The following HIPK2 variants were observed in gnomAD, a reference collection of about 807,000 sequenced individuals.
HIPK2 encodes homeodomain interacting protein kinase 2.
Under a neutral mutation model 113.7 loss-of-function variants are expected in HIPK2, and 27 were observed. The observed-to-expected ratio is 0.24, with a 90% confidence interval of 0.17 to 0.33. The LOEUF is 0.33. Ranked by LOEUF, HIPK2 falls within the 10% of genes least tolerant of loss-of-function variation. The pLI, the probability that HIPK2 is intolerant of heterozygous loss-of-function variation, is 1.00. For synonymous variants in HIPK2, 631 were observed against 642.2 expected (o/e 0.98, Z 0.26); for missense variants, 1,257 against 1,588.0 (o/e 0.79, Z 3.54).
At chr7:139,669,827 A>G (rs556316329) in intron 2 of HIPK2, among the ~76,000 whole-genome samples, 1 of 152,346 alleles carries the variant, frequency 6.6e-6, no homozygotes, top group Non-Finnish European at 1.5e-5. Context: ...AATTAATTAA[A>G]TATAAAGAGC....
chr7:139,690,661 A>G (rs369352875), intron 2 of HIPK2, among the ~76,000 whole-genome samples: 2 of 152,232 alleles, frequency 1.3e-5, no homozygotes, highest in East Asian at 3.9e-4. Flanking sequence ...AAATAGAAAT[A>G]AATTTTAAAA....
chr7:139,772,933 G>T (rs1184327964), intron 1 of HIPK2, among the ~76,000 whole-genome samples: 2 of 147,720 alleles, frequency 1.4e-5, no homozygotes, highest in African/African-American at 5.1e-5. Context: ...TTAGAAGTAT[G>T]AACTGCCACT....
At chr7:139,694,941 T>C (rs1294806483) in intron 2 of HIPK2, among the ~76,000 whole-genome samples, 1 of 152,182 alleles carries the variant, frequency 6.6e-6, no homozygotes, top group Non-Finnish European at 1.5e-5. Flanking sequence ...CCTGTGATAT[T>C]TATCTGCCTC....
intron 1 of HIPK2, among the ~76,000 whole-genome samples, chr7:139,726,716 A>C (rs2117007075): frequency 6.6e-6 from 1 of 152,296 alleles, no homozygotes. Flanking sequence ...AGGGAATGGA[A>C]ATCAATAGGA....
At chr7:139,690,586 G>A (rs1311470340) in intron 2 of HIPK2, among the ~76,000 whole-genome samples, 1 of 152,028 alleles carries the variant, frequency 6.6e-6, no homozygotes, top group African/African-American at 2.4e-5. Context: ...CAAGGTGGGA[G>A]GATCGTTTGT....
At chr7:139,676,361 A>C (rs566252683) in intron 2 of HIPK2, among the ~76,000 whole-genome samples, 1 of 152,276 alleles carries the variant, frequency 6.6e-6, no homozygotes, top group African/African-American at 2.4e-5. Flanking sequence ...CCTACACAAT[A>C]GTCTCCTTAC....
intron 11 of HIPK2, among the ~76,000 whole-genome samples, 182 bp downstream of exon 11, chr7:139,600,235 G>A (rs1799371872): frequency 6.6e-6 from 1 of 152,146 alleles, no homozygotes; most frequent in Non-Finnish European, 1.5e-5. Context: ...AGTGCTTCCT[G>A]CAAACCCTAG....
intron 2 of HIPK2, among the ~76,000 whole-genome samples, chr7:139,654,461 C>G (rs1286193193): frequency 6.6e-6 from 1 of 152,138 alleles, no homozygotes; most frequent in African/African-American, 2.4e-5. Flanking sequence ...CAAAGTGAGT[C>G]ATGATCACGC....
chr7:139,731,552 A>C (rs10952511), intron 1 of HIPK2, among the ~76,000 whole-genome samples: 56,610 of 151,822 alleles, frequency 0.37, 15,083 homozygotes, highest in African/African-American at 0.75. Flanking sequence ...GGGCCGCCAA[A>C]TGGGTTCTGC....
rs1205189188 is a variant in HIPK2 at position 139,567,225 on chromosome 7, GC to G, written c.*5701del. ...CGAGCCCAGCCCCCGCGTGCTCTACGCCCTTGATGCAACTGAACTCCTGGCA... is the reference window on the plus strand; with the variant it reads ...CGAGCCCAGCCCCCGCGTGCTCTACGCCTTGATGCAACTGAACTCCTGGCA... On this transcript the variant is annotated 3_prime_UTR_variant, in exon 15 of 15. Coordinates refer to ENST00000406875, the MANE Select transcript of HIPK2 (RefSeq NM_022740.5). The G allele has an allele frequency of 6.6e-6, 1 of 152,076 alleles. No individual in the cohort carries two copies. Among genetic ancestry groups the G allele is most frequent in the Non-Finnish European group, 1.5e-5 (1 of 68,056 alleles). 9.4% of individuals were successfully genotyped at this position (152,076 alleles called of 1,614,324 possible).
intron 6 of HIPK2, among the ~76,000 whole-genome samples, chr7:139,624,729 G>A (rs1487718126): frequency 1.3e-5 from 2 of 152,102 alleles, no homozygotes; most frequent in African/African-American, 4.8e-5. Flanking sequence ...CTGGATTACA[G>A]TTACTCTCTG....
At chr7:139,686,555 T>C (rs1274112227) in intron 2 of HIPK2, among the ~76,000 whole-genome samples, 1 of 152,186 alleles carries the variant, frequency 6.6e-6, no homozygotes, top group African/African-American at 2.4e-5. Context: ...TCATGAGATC[T>C]GATGGTTTTA....
chr7:139,619,263 A>G (rs1800157204), intron 7 of HIPK2, among the ~76,000 whole-genome samples: 3 of 152,222 alleles, frequency 2.0e-5, no homozygotes. Flanking sequence ...GACATAAGGT[A>G]TTCACATTTC....
chr7:139,645,795 T>C (rs533633679), intron 2 of HIPK2, among the ~76,000 whole-genome samples: 10 of 152,146 alleles, frequency 6.6e-5, no homozygotes, highest in Non-Finnish European at 1.2e-4. Context: ...ACAGAGTAAA[T>C]GTGGCCATGG....
intron 2 of HIPK2, among the ~76,000 whole-genome samples, chr7:139,691,825 T>A (rs748715478): frequency 9.9e-5 from 15 of 152,190 alleles, no homozygotes; most frequent in African/African-American, 1.4e-4. Context: ...ACTGTATACA[T>A]CATGGTGCTC....
At position 139,569,592 on chromosome 7, in the gene HIPK2, A is replaced by G. The variant is rs916433385; in HGVS notation, c.*3335T>C. 1.2e-4 allele frequency: 19 copies of G among 152,126 alleles called. No homozygotes were observed. Among genetic ancestry groups the G allele is most frequent in the African/African-American group, 4.6e-4 (19 of 41,418 alleles). 9.4% of individuals were successfully genotyped at this position (152,126 alleles called of 1,614,324 possible). On this transcript the variant is annotated 3_prime_UTR_variant, in exon 15 of 15. Transcript: ENST00000406875. ...CATCCCAGGCCTCTGGGATCTAGAA[A>G]ATGACAACCTTGATGGTGACCATGT...
rs1798111179 is a variant in HIPK2, at chr7:139,567,008, C to G, written c.*5919G>C. 1 of 152,172 alleles carries G rather than the reference C, an allele frequency of 6.6e-6. No individual in the cohort carries two copies. The highest frequency in any genetic ancestry group is 2.1e-4 in the South Asian group (1 of 4,816). 9.4% of individuals were successfully genotyped at this position (152,172 alleles called of 1,614,324 possible). A position where few individuals can be genotyped will look rare whatever the true frequency, so the allele number is the denominator to read the frequency against. ...TTTTTGAACTTTTCAGAAGCTGCAA[C>G]AAGAGAAACCTCTACTATGCTGGGT... On this transcript the variant is annotated 3_prime_UTR_variant, in exon 15 of 15. Transcript: ENST00000406875.
Position 139,613,287 on chromosome 7 carries a change from G to A in HIPK2, c.2027C>T (p.Ser676Leu). The A allele has an allele frequency of 1.2e-6, 2 of 1,613,554 alleles. No homozygotes were observed. The highest frequency in any genetic ancestry group is 1.1e-5 in the South Asian group (1 of 90,950). ...QASPSKHAGY[S>L]VRMENAVPIV... ...GGGAACTGCATTTTCCATTCGCACC[G>A]AGTAGCCAGCGTGCTTAGAGGGAGA... The change falls in exon 9 of 15, where the codon TCG becomes TTG. Residue 676 changes from serine to leucine, a missense_variant. By Grantham distance (145) the Ser-to-Leu change is moderately radical. Coordinates refer to ENST00000406875, the MANE Select transcript of HIPK2 (RefSeq NM_022740.5). This position sits in a 1 kb window ranked among gnomAD's most constrained non-coding sequence, Gnocchi z 4.2.
At chr7:139,767,284 A>G (rs1796568259) in intron 1 of HIPK2, among the ~76,000 whole-genome samples, 1 of 152,244 alleles carries the variant, frequency 6.6e-6, no homozygotes, top group Non-Finnish European at 1.5e-5. Flanking sequence ...CTGAAGGGCA[A>G]AAAGGTTGAA....
Sources: allele counts gnomAD v4.1 joint callset (sites outside exome capture counted in the v4.1 genomes callset), GRCh38; gene constraint gnomAD v4.1.1; non-coding constraint Gnocchi (gnomAD v3.1); transcripts MANE v1.5; gene names NCBI Gene and HGNC (gene_info 2026-07-23, HGNC 2026-07-21).